The following OLFML2B variants were observed in gnomAD, a reference collection of about 807,000 sequenced individuals.
OLFML2B encodes olfactomedin like 2B.
A neutral mutation model predicts 74.9 loss-of-function variants in OLFML2B; 57 were observed. The observed-to-expected ratio is 0.76, with a 90% CI of 0.61 to 0.95. The LOEUF (loss-of-function observed/expected upper bound fraction) is 0.95. Ranked by LOEUF, OLFML2B falls within the 40% of genes least tolerant of loss-of-function variation. The probability of loss-of-function intolerance (pLI) is 0.00; values close to 1 mark genes in which losing one functional copy is unlikely to be tolerated. For missense variants in OLFML2B, 986 were observed against 970.6 expected (o/e 1.02, Z -0.21); for synonymous variants, 388 against 405.8 (o/e 0.96, Z 0.53).
At chr1:162,007,968 T>A (rs12120347) in intron 3 of OLFML2B, among the ~76,000 whole-genome samples, 28,394 of 152,130 alleles carry the variant, frequency 0.19, 3,056 homozygotes, top group East Asian at 0.46. Context: ...CTAAGTTCCA[T>A]GAGAAAGAGA....
intron 1 of OLFML2B, among the ~76,000 whole-genome samples, chr1:162,021,731 A>C (rs1690708343): frequency 1.3e-5 from 2 of 152,188 alleles, no homozygotes; most frequent in South Asian, 4.1e-4. Context: ...CTGATAGTAA[A>C]TTGTGGCTGT....
chr1:161,997,857 G>A lies in OLFML2B; in HGVS notation c.1442C>T (p.Pro481Leu), dbSNP rs1689957224. 5 of 1,613,896 alleles carry A rather than the reference G, an allele frequency of 3.1e-6. No individual in the cohort carries two copies. In the East Asian group the frequency reaches 1.1e-4, roughly 36 times the overall value. ...ATTCCGGATGTCATCTTCTTCTTCG[G>A]GGCTCAGCGTGGGGCTGGCAGGGGT... ...GTTPASPTLS[P>L]EEEDDIRNVI... The change falls in exon 6 of 8, where the codon CCC becomes CTC. Residue 481 changes from proline (P) to leucine (L), a missense_variant. Transcript: ENST00000294794.
chr1:161,997,805 G>A lies in OLFML2B; in HGVS notation c.1474+20C>T, dbSNP rs1689954006. On this transcript the variant is annotated intron_variant, in intron 6 of 7. Transcript: ENST00000294794. ...TACCTGAGCTGATCAGGAGACCAAG[G>A]CCAGGTACAATGAACTTACCTATGA... is the stretch of plus-strand genomic sequence containing the variant. The A allele has an allele frequency of 2.5e-6, 4 of 1,594,178 alleles. No homozygotes were observed. The Admixed American group carries it at 6.7e-5, about 27-fold the overall frequency.
chr1:162,005,383 G>C (rs1042751474), intron 4 of OLFML2B, among the ~76,000 whole-genome samples: 3 of 152,218 alleles, frequency 2.0e-5, no homozygotes, highest in African/African-American at 7.2e-5. Context: ...AACTGAGAGA[G>C]GGAGACCATG....
rs944197182 is a variant in OLFML2B, at chr1:162,023,661, G to A, written c.-231C>T. On this transcript the variant is annotated 5_prime_UTR_variant, in exon 1 of 8. Transcript: ENST00000294794. ...ACTGTGCAGCCCCAGTGGAGAGCCG[G>A]ACGCAAGGAAGAGGGGATGACGGAG... 8.3e-5 allele frequency: 29 copies of A among 350,434 alleles called. No individual in the cohort carries two copies. The highest frequency in any genetic ancestry group is 5.9e-4 in the African/African-American group (28 of 47,606). The allele number at this position is 350,434 out of a possible 1,614,324, so 21.7% of individuals were successfully genotyped here.
chr1:161,983,888 A>G lies in OLFML2B; in HGVS notation c.2040T>C (p.Cys680=). 6.2e-7 allele frequency: 1 copy of G among 1,614,200 alleles called. No homozygotes were observed. Among genetic ancestry groups the G allele is most frequent in the Non-Finnish European group, 8.5e-7 (1 of 1,180,026 alleles). ...RNFYGNCFVI[C]GVLYAVDSYN... is the part of the protein sequence containing the mutation. ...AGCTATCCACGGCATACAGCACCCC[A>G]CAGATGACGAAGCAGTTGCCGTAGA... Residue 680 remains cysteine, a synonymous_variant, in exon 8 of 8, where the codon TGT becomes TGC. Coordinates refer to ENST00000294794, the MANE Select transcript of OLFML2B (RefSeq NM_015441.3).
chr1:162,020,406 C>A (rs759783603), intron 1 of OLFML2B, among the ~76,000 whole-genome samples: 3 of 152,202 alleles, frequency 2.0e-5, no homozygotes, highest in Non-Finnish European at 4.4e-5. Flanking sequence ...GAAAGCTGTG[C>A]CTTTCTCATG....
chr1:162,018,603 A>T (rs145529660), intron 2 of OLFML2B, among the ~76,000 whole-genome samples: 1 of 152,202 alleles, frequency 6.6e-6, no homozygotes, highest in Non-Finnish European at 1.5e-5. Flanking sequence ...GTTTTTATCA[A>T]TACCATCCTG....
rs76125299 is a variant in OLFML2B, at chr1:161,998,259, C to G, written c.1040G>C (p.Arg347Pro). 1 of 1,609,150 alleles carries G rather than the reference C, an allele frequency of 6.2e-7. No homozygotes were observed. The highest frequency in any genetic ancestry group is 1.1e-5 in the South Asian group (1 of 90,938). Residue 347 changes from arginine to proline, a missense_variant, in exon 6 of 8, where the codon CGG (arginine) becomes CCG (proline). Physicochemically the swap from Arg to Pro is moderately radical, Grantham distance 103. Coordinates refer to ENST00000294794, the MANE Select transcript of OLFML2B (RefSeq NM_015441.3). Reference sequence around the variant, plus strand: ...TCCCTGACGGGTGGCTGCAGGCCTCCGGGTGACACTGGTCATCAGGCCGTT... The same window carrying G: ...TCCCTGACGGGTGGCTGCAGGCCTCGGGGTGACACTGGTCATCAGGCCGTT... ...RHNGLMTSVT[R>P]RPAATRQGHS...
rs71093139 is a variant in OLFML2B at position 162,005,902 on chromosome 1, C to CAAA, written c.723+392_723+394dup. Among the ~76,000 whole-genome samples the CAAA allele has an allele frequency of 1.0e-3, 80 of 77,868 alleles. 3 individuals carry two copies. The highest frequency in any genetic ancestry group is 7.5e-3 in the Middle Eastern group (1 of 134). 51.1% of individuals were successfully genotyped at this position (77,868 alleles called of 152,430 possible). ...CCTTGGTGGCAGAGCTGGAACCTAT[C>CAAA]AAAAAAAAAAAAAAAAAAAAAAAAA... On this transcript the variant is annotated intron_variant, in intron 4 of 7. Coordinates refer to ENST00000294794, the MANE Select transcript of OLFML2B (RefSeq NM_015441.3).
chr1:162,007,684 T>A (rs972764108), intron 3 of OLFML2B, among the ~76,000 whole-genome samples: 1 of 152,116 alleles, frequency 6.6e-6, no homozygotes, highest in Non-Finnish European at 1.5e-5. Context: ...GCTACTAACA[T>A]CCTAGAGGGA....
In OLFML2B at chr1:162,020,055, T is replaced by G. The variant is rs1690654452; in HGVS notation, c.302A>C (p.Asp101Ala). ...RINAGASRKEDFYTVETITSG... is the reference protein window; with the variant it reads ...RINAGASRKEAFYTVETITSG... ...GGTGATGGTTTCCACGGTATAGAAG[T>G]CTTCCTTCCTGGAGGCCCCCGCATT... Residue 101 changes from aspartate (D) to alanine (A), a missense_variant, in exon 2 of 8, where the codon GAC becomes GCC. Physicochemically the swap from Asp to Ala is moderately radical, Grantham distance 126 (BLOSUM62 -2). Coordinates refer to ENST00000294794, the MANE Select transcript of OLFML2B (RefSeq NM_015441.3). 17 of 1,614,100 alleles carry G rather than the reference T, an allele frequency of 1.1e-5. No homozygotes were observed. Among genetic ancestry groups the G allele is most frequent in the Non-Finnish European group, 1.4e-5 (16 of 1,180,000 alleles).
Position 162,023,259 on chromosome 1 carries a change from G to T in OLFML2B, c.172C>A (p.Gln58Lys). ...EADNQENVLSQLLGDYDKVKA... is the reference protein window; with the variant it reads ...EADNQENVLSKLLGDYDKVKA... The stretch of plus-strand genomic sequence containing the variant: ...GGTCGTGGCACTCTGCATCCTACCT[G>T]AGATAAAACGTTCTCCTGGTTGTCC... Residue 58 changes from glutamine (Q) to lysine (K), a missense_variant and splice_region_variant, in exon 1 of 8, where the codon CAG becomes AAG. Coordinates refer to ENST00000294794, the MANE Select transcript of OLFML2B (RefSeq NM_015441.3). The T allele has an allele frequency of 6.5e-7, 1 of 1,534,036 alleles. No individual in the cohort carries two copies. The highest frequency in any genetic ancestry group is 8.8e-7 in the Non-Finnish European group (1 of 1,132,844).
At chr1:161,991,396 C>A (rs1689739325) in intron 6 of OLFML2B, among the ~76,000 whole-genome samples, 1 of 152,200 alleles carries the variant, frequency 6.6e-6, no homozygotes, top group African/African-American at 2.4e-5. Context: ...TCCATGAGAG[C>A]TTTTGGGTGA....
At position 161,994,500 on chromosome 1, in the gene OLFML2B, C is replaced by G. The variant is rs535583484; in HGVS notation, c.1474+3325G>C. Among the ~76,000 whole-genome samples, 18 of 152,376 alleles carry G rather than the reference C, an allele frequency of 1.2e-4. 1 individual carries two copies. The East Asian group carries it at 3.5e-3, about 29-fold the overall frequency. On this transcript the variant is annotated intron_variant, in intron 6 of 7. Transcript: ENST00000294794. ...TCTGCTCCTGCCACCTGCCCTCCCC[C>G]ACTCCAAACCAGCCCCTTCTACAAA...
In OLFML2B at chr1:161,997,318, T is replaced by C. The variant is rs150126042; in HGVS notation, c.1474+507A>G. ...TTCCTCTGGTACAGCACTTGTCACA[T>C]GGTGCCATGATGTTTCTATGCTCTC... On this transcript the variant is annotated intron_variant, in intron 6 of 7. Transcript: ENST00000294794. Among the ~76,000 whole-genome samples the C allele has an allele frequency of 8.3e-3, 1,263 of 152,298 alleles. 10 individuals carry two copies. The highest frequency in any genetic ancestry group is 0.028 in the African/African-American group (1,155 of 41,546).
intron 6 of OLFML2B, among the ~76,000 whole-genome samples, chr1:161,994,789 AT>A (rs11384985): frequency 6.6e-6 from 1 of 151,714 alleles, no homozygotes; most frequent in East Asian, 1.9e-4. Context: ...TTGTTTTTGG[AT>A]TTTTTTTGAA....
chr1:162,018,783 T>C (rs1027886290), intron 2 of OLFML2B, among the ~76,000 whole-genome samples: 1 of 152,226 alleles, frequency 6.6e-6, no homozygotes, highest in Non-Finnish European at 1.5e-5. Context: ...AGCTTCTACA[T>C]GAAGAAGTCC....
intron 3 of OLFML2B, among the ~76,000 whole-genome samples, chr1:162,016,503 T>C (rs1035091493): frequency 2.0e-5 from 3 of 152,234 alleles, no homozygotes; most frequent in African/African-American, 4.8e-5. Flanking sequence ...CATTGTGTTA[T>C]TAAATTTGCC....
Sources: gnomAD v4.1 joint callset for allele counts (sites outside exome capture counted in the v4.1 genomes callset) on GRCh38, gnomAD v4.1.1 for gene constraint, MANE v1.5 for transcripts, NCBI Gene and HGNC (gene_info 2026-07-23, HGNC 2026-07-21) for gene names.